The following INSR variants were observed in gnomAD, a reference collection of about 807,000 sequenced individuals.
INSR encodes insulin receptor, also known as IR.
Under a neutral mutation model 142.6 loss-of-function variants are expected in INSR, and 67 were observed. The observed-to-expected ratio is 0.47, with a 90% CI of 0.39 to 0.58. INSR has a LOEUF of 0.58. Ranked by LOEUF, INSR falls within the 20% of genes least tolerant of loss-of-function variation. INSR has a pLI of 0.00. For synonymous variants in INSR, 756 were observed against 743.1 expected (o/e 1.02, Z -0.28); for missense variants, 1,248 against 1,833.2 (o/e 0.68, Z 5.83).
intron 2 of INSR, among the ~76,000 whole-genome samples, chr19:7,206,612 T>G (rs937394541): frequency 1.4e-4 from 21 of 152,148 alleles, no homozygotes; most frequent in African/African-American, 4.8e-4. Flanking sequence ...TATGAGAATC[T>G]AATGCTTGAT....
chr19:7,288,950 GAAAAA>G (rs34590794), intron 1 of INSR, among the ~76,000 whole-genome samples: 8 of 88,692 alleles, frequency 9.0e-5, no homozygotes, highest in African/African-American at 3.4e-4. Context: ...GTGAAGAAGT[GAAAAA>G]AAAAAAAAAA....
At chr19:7,259,180 C>T (rs1976987645) in intron 2 of INSR, among the ~76,000 whole-genome samples, 1 of 143,452 alleles carries the variant, frequency 7.0e-6, no homozygotes, top group Non-Finnish European at 1.5e-5. Flanking sequence ...TCCCTCCTTC[C>T]TTCCTTCCCT....
chr19:7,290,741 G>A (rs371349204), intron 1 of INSR, among the ~76,000 whole-genome samples: 19 of 150,346 alleles, frequency 1.3e-4, no homozygotes, highest in African/African-American at 2.7e-4. Context: ...ACTCCAGCCC[G>A]GGTGACAGAG....
At chr19:7,229,332 A>ATGGATGGATAGATGGATGGATG (rs1568204425) in intron 2 of INSR, among the ~76,000 whole-genome samples, 2 of 81,994 alleles carry the variant, frequency 2.4e-5, no homozygotes, top group African/African-American at 8.8e-5. Context: ...ATGGATGGAT[A>ATGGATGGATAGATGGATGGATG]GATGGATGGA....
intron 13 of INSR, among the ~76,000 whole-genome samples, chr19:7,133,410 A>T (rs1335996650): frequency 6.6e-6 from 1 of 152,234 alleles, no homozygotes; most frequent in Non-Finnish European, 1.5e-5. Context: ...TTGTGAGAAC[A>T]TTTAAAATCT....
At chr19:7,212,662 T>G (rs1975310564) in intron 2 of INSR, among the ~76,000 whole-genome samples, 3 of 152,128 alleles carry the variant, frequency 2.0e-5, no homozygotes, top group Admixed American at 2.0e-4. Flanking sequence ...CTCGGCTCAC[T>G]GCAAGCTCTA....
At chr19:7,118,385 T>C (rs1005615067) in intron 21 of INSR, among the ~76,000 whole-genome samples, 1 of 151,962 alleles carries the variant, frequency 6.6e-6, no homozygotes, top group African/African-American at 2.4e-5. Flanking sequence ...TGGTGCAGTC[T>C]CTGCTCACTG....
intron 9 of INSR, among the ~76,000 whole-genome samples, chr19:7,153,345 C>CCACACACACAACACACA (rs1973481736): frequency 2.9e-4 from 1 of 3,396 alleles, no homozygotes; most frequent in Non-Finnish European, 1.0e-3. Flanking sequence ...CGCCACACAC[C>CCACACACACAACACACA]ACAGACCACA....
intron 3 of INSR, among the ~76,000 whole-genome samples, chr19:7,179,741 C>T (rs1974226623): frequency 6.6e-6 from 1 of 152,212 alleles, no homozygotes; most frequent in Admixed American, 6.5e-5. Context: ...ACTATCTGGC[C>T]CTTGGCCAAC....
intron 11 of INSR, among the ~76,000 whole-genome samples, chr19:7,145,987 C>T (rs1038140698): frequency 5.9e-5 from 9 of 152,016 alleles, no homozygotes; most frequent in Non-Finnish European, 1.3e-4. Context: ...TTTTATGAAG[C>T]CTCTTTTTTT....
chr19:7,240,452 C>T (rs960801618), intron 2 of INSR, among the ~76,000 whole-genome samples: 4 of 152,058 alleles, frequency 2.6e-5, no homozygotes, highest in African/African-American at 9.7e-5. Flanking sequence ...CGTGGTGGTG[C>T]ACACCTGTAA....
At chr19:7,274,478 G>T (rs567627575) in intron 1 of INSR, among the ~76,000 whole-genome samples, 1 of 151,126 alleles carries the variant, frequency 6.6e-6, no homozygotes, top group East Asian at 1.9e-4. Context: ...AGCCCATCTC[G>T]AAACGGAGGC....
At chr19:7,148,546 C>T (rs768360903) in intron 11 of INSR, among the ~76,000 whole-genome samples, 16 of 124,874 alleles carry the variant, frequency 1.3e-4, no homozygotes, top group East Asian at 2.5e-4. Context: ...GGCGAGATCT[C>T]GGCTCACCGC....
At chr19:7,197,918 AGTGTGTGTGT>A (rs71864058) in intron 2 of INSR, among the ~76,000 whole-genome samples, 35 of 100,294 alleles carry the variant, frequency 3.5e-4, no homozygotes, top group South Asian at 1.0e-3. Context: ...CCAGAGTGAG[AGTGTGTGTGT>A]GTGTGTGTGT....
chr19:7,216,378 A>T lies in INSR; in HGVS notation c.653-31741T>A, dbSNP rs954654574. ...CTGTGCCTCTGAAATCCTAAACAGA[A>T]TATTACATGGCGTCTTGGACCTCCG... On this transcript the variant is annotated intron_variant, in intron 2 of 21. Transcript: ENST00000302850. The surrounding 1 kb of genome is among the most constrained non-coding windows in gnomAD (Gnocchi z 4.2). Among the ~76,000 whole-genome samples, 6 of 152,206 alleles carry T rather than the reference A, an allele frequency of 3.9e-5. No homozygotes were observed. Among genetic ancestry groups the T allele is most frequent in the Non-Finnish European group, 5.9e-5 (4 of 68,042 alleles).
chr19:7,283,533 G>A (rs10417000), intron 1 of INSR, among the ~76,000 whole-genome samples: 6,228 of 151,724 alleles, frequency 0.041, 436 homozygotes, highest in African/African-American at 0.14. Context: ...TCTGCCTCCC[G>A]GGTTCCAGCA....
At chr19:7,253,180 G>A (rs1976784904) in intron 2 of INSR, among the ~76,000 whole-genome samples, 1 of 151,362 alleles carries the variant, frequency 6.6e-6, no homozygotes, top group Admixed American at 6.6e-5. Context: ...CTTGACAATG[G>A]TGGGCTTCAC....
At chr19:7,161,316 C>A (rs1423801383) in intron 9 of INSR, among the ~76,000 whole-genome samples, 1 of 151,482 alleles carries the variant, frequency 6.6e-6, no homozygotes, top group African/African-American at 2.4e-5. Context: ...CTGGAGTGCA[C>A]TGGAATAATC....
At chr19:7,127,082 T>C (rs6510947) in intron 15 of INSR, among the ~76,000 whole-genome samples, 1 of 152,024 alleles carries the variant, frequency 6.6e-6, no homozygotes, top group Non-Finnish European at 1.5e-5. Context: ...AAATTTCATA[T>C]AGACAGGGTC....
Sources: allele counts gnomAD v4.1 joint callset (sites outside exome capture counted in the v4.1 genomes callset), GRCh38; gene constraint gnomAD v4.1.1; non-coding constraint Gnocchi (gnomAD v3.1); transcripts MANE v1.5; gene names NCBI Gene and HGNC (gene_info 2026-07-23, HGNC 2026-07-21).